ZFAND6: variants seen among roughly 807,000 people sequenced by gnomAD.
The protein encoded by ZFAND6 is zinc finger AN1-type containing 6, also known as AN1-type zinc finger protein 6.
ZFAND6 carries 12 observed loss-of-function variants against 24.5 expected under a neutral mutation model. The observed-to-expected ratio is 0.49, with a 90% CI of 0.31 to 0.79. ZFAND6 has a LOEUF of 0.79. Ranked by LOEUF, ZFAND6 falls within the 30% of genes least tolerant of loss-of-function variation. ZFAND6 has a pLI of 0.04. For missense variants in ZFAND6, 207 were observed against 245.9 expected (o/e 0.84, Z 1.06); for synonymous variants, 92 against 81.5 (o/e 1.13, Z -0.69).
intron 4 of ZFAND6, among the ~76,000 whole-genome samples, chr15:80,122,218 G>A (rs1267656533): frequency 6.6e-6 from 1 of 152,008 alleles, no homozygotes. Flanking sequence ...ATTGTAATGT[G>A]TATATATATA....
intron 2 of ZFAND6, among the ~76,000 whole-genome samples, chr15:80,107,396 G>A (rs7169400): frequency 0.7 from 105,721 of 151,998 alleles, 36,966 homozygotes; most frequent in Admixed American, 0.79. Flanking sequence ...AACGACAACT[G>A]TACTATTATA....
In ZFAND6 at chr15:80,128,695, G is replaced by A. The variant is rs73482853; in HGVS notation, c.365-2485G>A. 5.1e-4 allele frequency among the ~76,000 whole-genome samples: 77 copies of A among 152,216 alleles called. 1 individual carries two copies. Among genetic ancestry groups the A allele is most frequent in the African/African-American group, 1.7e-3 (71 of 41,534 alleles). On this transcript the variant is annotated intron_variant, in intron 5 of 6. Transcript: ENST00000261749. The stretch of plus-strand genomic sequence containing the variant: ...ACCTTAGCCTCATGGGTATATAATC[G>A]ACATTTATTGGTCCCACATTTGAGT...
chr15:80,073,824 T>C (rs1389946891), intron 1 of ZFAND6, among the ~76,000 whole-genome samples: 1 of 151,930 alleles, frequency 6.6e-6, no homozygotes, highest in Non-Finnish European at 1.5e-5. Flanking sequence ...TCTCTTAAAT[T>C]GATGTGACCT....
chr15:80,105,856 G>A lies in ZFAND6; in HGVS notation c.-18+7278G>A, dbSNP rs16971752. Among the ~76,000 whole-genome samples, 3,110 of 152,296 alleles carry A rather than the reference G, an allele frequency of 0.02. 230 individuals are homozygous for A. The East Asian group carries it at 0.22, about 11-fold the overall frequency. ...AACTGAAAGAAAATCAGTTTCTGAA[G>A]TATCTTGCAATCATTTCTGGCATCC... On this transcript the variant is annotated intron_variant, in intron 2 of 6. Coordinates refer to ENST00000261749, the MANE Select transcript of ZFAND6 (RefSeq NM_019006.4).
At chr15:80,096,241 G>A (rs116728105) in intron 1 of ZFAND6, among the ~76,000 whole-genome samples, 2,346 of 152,236 alleles carry the variant, frequency 0.015, 70 homozygotes, top group African/African-American at 0.051. Flanking sequence ...CTGTTATATC[G>A]TAAACACCTA....
intron 2 of ZFAND6, among the ~76,000 whole-genome samples, chr15:80,115,249 G>A (rs962085780): frequency 1.3e-5 from 2 of 152,094 alleles, no homozygotes; most frequent in South Asian, 2.1e-4. Flanking sequence ...GATGTTAGAG[G>A]GAGTAATAGG....
chr15:80,105,676 A>G (rs914972039), intron 2 of ZFAND6, among the ~76,000 whole-genome samples: 1 of 152,212 alleles, frequency 6.6e-6, no homozygotes, highest in Non-Finnish European at 1.5e-5. Context: ...GGAAGTTTAT[A>G]TTCACAACCA....
chr15:80,135,725 A>G (rs1417177515), intron 6 of ZFAND6, among the ~76,000 whole-genome samples: 2 of 152,242 alleles, frequency 1.3e-5, no homozygotes, highest in Non-Finnish European at 2.9e-5. Context: ...GCTTCAGGCC[A>G]GGAATTCGGG....
intron 5 of ZFAND6, among the ~76,000 whole-genome samples, chr15:80,123,365 T>C (rs1274397263): frequency 6.6e-6 from 1 of 152,134 alleles, no homozygotes; most frequent in East Asian, 1.9e-4. Context: ...GCTTTCGTAG[T>C]AGGGAGAGAG....
intron 1 of ZFAND6, among the ~76,000 whole-genome samples, chr15:80,097,697 G>A (rs2038810575): frequency 6.6e-6 from 1 of 151,696 alleles, no homozygotes; most frequent in African/African-American, 2.4e-5. Flanking sequence ...TTTTTGCAGT[G>A]CAAACTGTCA....
rs28707434 is a variant in ZFAND6, at chr15:80,137,225, G to T, written c.479-255G>T. ...CTAGCAACTGTGTTTTTGTTAAGAAGTAATTGTTGCCATATCACAGGTGAA... is the reference window on the plus strand; with the variant it reads ...CTAGCAACTGTGTTTTTGTTAAGAATTAATTGTTGCCATATCACAGGTGAA... On this transcript the variant is annotated intron_variant, in intron 6 of 6. Transcript: ENST00000261749. 2.7e-3 allele frequency among the ~76,000 whole-genome samples: 418 copies of T among 152,316 alleles called. 3 individuals are homozygous for T. Among genetic ancestry groups the T allele is most frequent in the African/African-American group, 9.2e-3 (384 of 41,580 alleles).
At position 80,121,700 on chromosome 15, in the gene ZFAND6, G is replaced by A. The variant is rs2040154713; in HGVS notation, c.155-12G>A. 1.2e-6 allele frequency: 2 copies of A among 1,610,358 alleles called. No homozygotes were observed. The highest frequency in any genetic ancestry group is 8.5e-7 in the Non-Finnish European group (1 of 1,176,952). On this transcript the variant is annotated splice_polypyrimidine_tract_variant and intron_variant, in intron 3 of 6. Coordinates refer to ENST00000261749, the MANE Select transcript of ZFAND6 (RefSeq NM_019006.4). Reference sequence around the variant, plus strand: ...TATAGAATCACTAATACGCAATGTGGTACTGTTACAGCAACCTCTGTCAGT... The same window carrying A: ...TATAGAATCACTAATACGCAATGTGATACTGTTACAGCAACCTCTGTCAGT...
chr15:80,075,732 T>A (rs948309486), intron 1 of ZFAND6, among the ~76,000 whole-genome samples: 1 of 152,126 alleles, frequency 6.6e-6, no homozygotes, highest in Admixed American at 6.5e-5. Flanking sequence ...CTATTAATGC[T>A]AATTTTTGAA....
At chr15:80,094,930 G>A (rs1012847843) in intron 1 of ZFAND6, among the ~76,000 whole-genome samples, 7 of 152,072 alleles carry the variant, frequency 4.6e-5, no homozygotes, top group South Asian at 4.2e-4. Context: ...GTGCCATCAC[G>A]CCCGGCTCGT....
At chr15:80,091,877 C>T (rs979571973) in intron 1 of ZFAND6, among the ~76,000 whole-genome samples, 3 of 152,074 alleles carry the variant, frequency 2.0e-5, no homozygotes, top group East Asian at 1.9e-4. Context: ...TGACCTCAAG[C>T]GATCCTCTCA....
intron 1 of ZFAND6, among the ~76,000 whole-genome samples, chr15:80,097,474 T>A (rs577791478): frequency 1.3e-5 from 2 of 151,926 alleles, no homozygotes; most frequent in Non-Finnish European, 2.9e-5. Flanking sequence ...ATGGTGAAAC[T>A]CTGTTTCTAC....
intron 2 of ZFAND6, among the ~76,000 whole-genome samples, chr15:80,113,196 G>T (rs1448849266): frequency 6.6e-6 from 1 of 152,218 alleles, no homozygotes; most frequent in Non-Finnish European, 1.5e-5. Context: ...AACTAAAATT[G>T]AAGGTGGTCT....
intron 1 of ZFAND6, among the ~76,000 whole-genome samples, chr15:80,077,600 G>C (rs1238825706): frequency 6.6e-6 from 1 of 151,750 alleles, no homozygotes; most frequent in Admixed American, 6.6e-5. Flanking sequence ...TCTTTGAAGG[G>C]ATCAAATTAT....
intron 2 of ZFAND6, among the ~76,000 whole-genome samples, chr15:80,111,809 C>G (rs1000831729): frequency 3.3e-5 from 5 of 152,112 alleles, no homozygotes; most frequent in African/African-American, 1.2e-4. Flanking sequence ...CCAAAGATTG[C>G]TTATAAGATC....
Sources: allele counts gnomAD v4.1 joint callset (sites outside exome capture counted in the v4.1 genomes callset), GRCh38; gene constraint gnomAD v4.1.1; transcripts MANE v1.5; gene names NCBI Gene and HGNC (gene_info 2026-07-23, HGNC 2026-07-21).